SOX30: variants seen among roughly 807,000 people sequenced by gnomAD.
The protein encoded by SOX30 is transcription factor SOX-30.
A neutral mutation model predicts 58.6 loss-of-function variants in SOX30; 17 were observed. That is an observed-to-expected ratio of 0.29 (90% CI 0.20 to 0.44). SOX30 has a LOEUF of 0.44. Ranked by LOEUF, SOX30 falls within the 20% of genes least tolerant of loss-of-function variation. SOX30 has a pLI of 1.00. For missense variants in SOX30, 951 were observed against 965.8 expected, an observed-to-expected ratio of 0.98 and a Z score of 0.20; for synonymous variants, 421 against 400.2, an observed-to-expected ratio of 1.05 and a Z score of -0.62.
intron 2 of SOX30, among the ~76,000 whole-genome samples, chr5:157,663,637 C>G (rs1759614990): frequency 6.6e-6 from 1 of 152,094 alleles, no homozygotes; most frequent in Non-Finnish European, 1.5e-5. Flanking sequence ...AAAGGGTATT[C>G]AATTAGGAAA....
chr5:157,666,092 T>C (rs939366251), intron 2 of SOX30, among the ~76,000 whole-genome samples: 1 of 152,016 alleles, frequency 6.6e-6, no homozygotes, highest in Non-Finnish European at 1.5e-5. Context: ...TGGGAAGATA[T>C]TGTGGGAGAA....
intron 3 of SOX30, among the ~76,000 whole-genome samples, chr5:157,639,727 T>C (rs572183298): frequency 1.3e-5 from 2 of 152,346 alleles, no homozygotes; most frequent in Admixed American, 6.5e-5. Flanking sequence ...AAGAGAGTCA[T>C]GATCTAACGT....
At chr5:157,640,997 C>G (rs1759047491) in intron 3 of SOX30, among the ~76,000 whole-genome samples, 1 of 152,168 alleles carries the variant, frequency 6.6e-6, no homozygotes, top group Non-Finnish European at 1.5e-5. Context: ...GGCATAAGCC[C>G]TAACAACCCC....
chr5:157,670,411 T>C lies in SOX30; in HGVS notation c.-4+919A>G, dbSNP rs114068412. 2.4e-3 allele frequency among the ~76,000 whole-genome samples: 362 copies of C among 152,294 alleles called. 3 individuals carry two copies. The highest frequency in any genetic ancestry group is 8.4e-3 in the African/African-American group (350 of 41,554). On this transcript the variant is annotated intron_variant, in intron 1 of 5. Transcript: ENST00000519442. ...CAGTGGCTACCTTAAAAGGATGTTG[T>C]GAAATTTAATGAGATAATCCAGGTA...
intron 1 of SOX30, 62 bp downstream of exon 1, chr5:157,651,050 C>G (rs1189662104): frequency 7.7e-7 from 1 of 1,297,432 alleles, no homozygotes; most frequent in Non-Finnish European, 1.1e-6. Flanking sequence ...GAACTGCTGA[C>G]AAAACAGCTA....
At chr5:157,653,390 T>G (rs572966839), upstream of SOX30, among the ~76,000 whole-genome samples, 2 of 152,314 alleles carry the variant, frequency 1.3e-5, no homozygotes, top group East Asian at 3.9e-4. Context: ...CAGTTTGTGT[T>G]TTGCCCATCA....
intron 1 of SOX30, among the ~76,000 whole-genome samples, chr5:157,650,742 T>G (rs960656538): frequency 6.6e-6 from 1 of 152,228 alleles, no homozygotes; most frequent in Non-Finnish European, 1.5e-5. Context: ...CTTCTATTTC[T>G]TGATACATAT....
intron 4 of SOX30, among the ~76,000 whole-genome samples, chr5:157,636,728 T>C (rs1758935860): frequency 2.0e-5 from 3 of 152,142 alleles, no homozygotes; most frequent in South Asian, 2.1e-4. Flanking sequence ...TAATGGGAAG[T>C]AGATTTACTT....
intron 2 of SOX30, among the ~76,000 whole-genome samples, chr5:157,666,585 A>T (rs918383141): frequency 7.2e-5 from 11 of 152,066 alleles, no homozygotes; most frequent in African/African-American, 2.7e-4. Flanking sequence ...AATCGTTAGC[A>T]TATTAACATT....
In SOX30 at chr5:157,645,730, T is replaced by C. The variant is rs554175068; in HGVS notation, c.1387+907A>G. ...CTCTCCCTTAAAGATGGTTAAAACA[T>C]GTTCTGGGGGCCAGGCGTGGTGGCT... is the stretch of plus-strand genomic sequence containing the variant. On this transcript the variant is annotated intron_variant, in intron 3 of 4. Transcript: ENST00000265007. 1.5e-4 allele frequency among the ~76,000 whole-genome samples: 23 copies of C among 151,180 alleles called. No individual in the cohort carries two copies. The South Asian group carries it at 2.1e-3, about 14-fold the overall frequency.
chr5:157,658,750 G>A (rs1181105445), intron 2 of SOX30, among the ~76,000 whole-genome samples: 1 of 152,212 alleles, frequency 6.6e-6, no homozygotes, highest in Non-Finnish European at 1.5e-5. Flanking sequence ...AAGGGAGGGG[G>A]TAATGTCAGG....
intron 2 of SOX30, among the ~76,000 whole-genome samples, chr5:157,666,954 C>T (rs1759687566): frequency 6.6e-6 from 1 of 152,106 alleles, no homozygotes; most frequent in Non-Finnish European, 1.5e-5. Flanking sequence ...AATCCACCTG[C>T]CTTGGCCTCC....
intron 3 of SOX30, among the ~76,000 whole-genome samples, chr5:157,644,646 A>G (rs1759145412): frequency 6.6e-6 from 1 of 152,212 alleles, no homozygotes; most frequent in African/African-American, 2.4e-5. Context: ...TCTTGGAAAA[A>G]GGGATAAAAA....
chr5:157,628,270 G>A (rs183202730), intron 4 of SOX30, among the ~76,000 whole-genome samples: 156 of 152,022 alleles, frequency 1.0e-3, no homozygotes, highest in South Asian at 1.9e-3. Context: ...TATAGGAAGA[G>A]GTAGAGTCCA....
At chr5:157,637,375 A>C (rs1190001144) in intron 4 of SOX30, among the ~76,000 whole-genome samples, 1 of 152,152 alleles carries the variant, frequency 6.6e-6, no homozygotes, top group Admixed American at 6.6e-5. Flanking sequence ...GTAAATAAAC[A>C]ATTTTTCACG....
intron 4 of SOX30, 139 bp from the exon 5 acceptor site, chr5:157,626,860 C>T (rs1159957571): frequency 1.6e-5 from 14 of 885,322 alleles, no homozygotes; most frequent in Non-Finnish European, 6.6e-6. Flanking sequence ...TTCCTCTGCT[C>T]TTTTCCCACT....
At chr5:157,632,074 A>AAAAAAAAAAAAAAAAAAAAAAAC (rs1758827359) in intron 4 of SOX30, among the ~76,000 whole-genome samples, 1 of 142,492 alleles carries the variant, frequency 7.0e-6, no homozygotes, top group African/African-American at 2.6e-5. Flanking sequence ...AAAAAAAAAA[A>AAAAAAAAAAAAAAAAAAAAAAAC]AAGAATTTTT....
At chr5:157,626,764 A>G (rs1376065061) in intron 4 of SOX30, 43 bp from the exon 5 acceptor site, 1 of 1,547,618 alleles carries the variant, frequency 6.5e-7, no homozygotes, top group East Asian at 2.2e-5. Flanking sequence ...TCTTGCCCAC[A>G]TATTGCCTTG....
chr5:157,643,167 C>G (rs1437901050), intron 3 of SOX30, among the ~76,000 whole-genome samples: 1 of 152,034 alleles, frequency 6.6e-6, no homozygotes, highest in African/African-American at 2.4e-5. Context: ...CTCACACCTG[C>G]AATCTCAGCA....
Sources: allele counts gnomAD v4.1 joint callset (sites outside exome capture counted in the v4.1 genomes callset), GRCh38; gene constraint gnomAD v4.1.1; transcripts MANE v1.5; gene names NCBI Gene and HGNC (gene_info 2026-07-23, HGNC 2026-07-21).